MYCBP2: variants seen among roughly 807,000 people sequenced by gnomAD.
MYCBP2 encodes MYC binding protein 2.
Under a neutral mutation model 525.3 loss-of-function variants are expected in MYCBP2, and 120 were observed. That is an observed-to-expected ratio of 0.23 (90% CI 0.20 to 0.27). The LOEUF (loss-of-function observed/expected upper bound fraction) is 0.27, where lower values mean the gene tolerates loss of function less well. Among genes scored for constraint, MYCBP2 ranks in the 10% least tolerant of loss-of-function variants. The pLI is 1.00. For synonymous variants in MYCBP2, 1,894 were observed against 1,955.8 expected (o/e 0.97, Z 0.83); for missense variants, 4,149 against 5,657.1 (o/e 0.73, Z 8.55).
At chr13:77,223,156 G>A (rs1384620517) in intron 20 of MYCBP2, among the ~76,000 whole-genome samples, 2 of 152,186 alleles carry the variant, frequency 1.3e-5, no homozygotes, top group Non-Finnish European at 2.9e-5. Context: ...AACAGCCTCA[G>A]GTGCTGTCCC....
intron 14 of MYCBP2, among the ~76,000 whole-genome samples, chr13:77,254,564 C>T (rs558402367): frequency 1.1e-3 from 162 of 151,932 alleles, no homozygotes; most frequent in African/African-American, 3.7e-3. Flanking sequence ...CATATAATGT[C>T]TAATGATCAA....
At chr13:77,166,905 C>T (rs905394996) in intron 40 of MYCBP2, among the ~76,000 whole-genome samples, 8 of 150,820 alleles carry the variant, frequency 5.3e-5, no homozygotes, top group Admixed American at 1.3e-4. Context: ...AGGGAGCATT[C>T]CAACTTACTT....
At position 77,270,541 on chromosome 13, in the gene MYCBP2, A is replaced by C; in HGVS notation, c.946-3T>G. The stretch of plus-strand genomic sequence containing the variant: ...AGCGAATTTAGAATTGTTGGCACCT[A>C]ATCAAAAGAGAAGAAAAATAATGAA... On this transcript the variant is annotated splice_region_variant and splice_polypyrimidine_tract_variant and intron_variant, in intron 5 of 82. Transcript: ENST00000544440. The C allele has an allele frequency of 6.3e-7, 1 of 1,583,114 alleles. No individual in the cohort carries two copies.
intron 21 of MYCBP2, among the ~76,000 whole-genome samples, chr13:77,216,687 T>C (rs1215825239): frequency 6.6e-6 from 1 of 152,124 alleles, no homozygotes; most frequent in Admixed American, 6.5e-5. Context: ...AAAACAGTAC[T>C]ATATACTCTT....
chr13:77,324,142 C>G (rs1313522905), intron 1 of MYCBP2, among the ~76,000 whole-genome samples: 1 of 152,210 alleles, frequency 6.6e-6, no homozygotes, highest in Non-Finnish European at 1.5e-5. Context: ...TGACCACTTC[C>G]TCAAAAGTTA....
At chr13:77,249,203 C>T (rs1265151845) in intron 15 of MYCBP2, among the ~76,000 whole-genome samples, 3 of 152,096 alleles carry the variant, frequency 2.0e-5, no homozygotes, top group Non-Finnish European at 4.4e-5. Context: ...GTAATAGTTG[C>T]ACAACATTAT....
At chr13:77,177,647 A>G (rs1376492392) in intron 35 of MYCBP2, 101 bp downstream of exon 35, 2 of 931,516 alleles carry the variant, frequency 2.1e-6, no homozygotes, top group African/African-American at 3.2e-5. Flanking sequence ...AGTGTCATTC[A>G]TCAGTGATTG....
intron 42 of MYCBP2, among the ~76,000 whole-genome samples, 166 bp from the exon 43 acceptor site, chr13:77,164,707 C>T (rs2058334904): frequency 6.6e-6 from 1 of 152,186 alleles, no homozygotes; most frequent in South Asian, 2.1e-4. Context: ...AATGTTGTGG[C>T]TCAGGCTGGT....
chr13:77,087,749 T>A, intron 61 of MYCBP2, 116 bp from the exon 62 acceptor site: 1 of 912,712 alleles, frequency 1.1e-6, no homozygotes, highest in Non-Finnish European at 1.6e-6. Flanking sequence ...GAAAATCTTT[T>A]TTAATTAAAA....
chr13:77,183,645 G>A (rs1054694124), intron 32 of MYCBP2, among the ~76,000 whole-genome samples: 4 of 123,080 alleles, frequency 3.2e-5, no homozygotes, highest in East Asian at 2.8e-4. Context: ...TTCACCTCCC[G>A]CCTTCAAGCA....
intron 22 of MYCBP2, 70 bp downstream of exon 22, chr13:77,211,886 G>T (rs997682733): frequency 8.1e-7 from 1 of 1,239,480 alleles, no homozygotes; most frequent in Non-Finnish European, 1.2e-6. Context: ...TCATTAAAGG[G>T]AAAGATAAAC....
chr13:77,168,703 T>G, intron 39 of MYCBP2, 57 bp from the exon 40 acceptor site: 1 of 1,480,176 alleles, frequency 6.8e-7, no homozygotes, highest in Non-Finnish European at 9.4e-7. Flanking sequence ...GGTTCTAAAA[T>G]TATGCATTAC....
At chr13:77,225,686 T>C in intron 18 of MYCBP2, 132 bp from the exon 19 acceptor site, 1 of 1,103,272 alleles carries the variant, frequency 9.1e-7, no homozygotes, top group Non-Finnish European at 1.3e-6. Flanking sequence ...CTGTAGCTGT[T>C]AGAAGTGATA....
At chr13:77,218,615 G>T (rs1364933555) in intron 20 of MYCBP2, among the ~76,000 whole-genome samples, 1 of 152,154 alleles carries the variant, frequency 6.6e-6, no homozygotes, top group African/African-American at 2.4e-5. Context: ...CTAACAAACG[G>T]TGTCTACCCC....
rs2058006392 is a variant in MYCBP2, at chr13:77,162,109, T to C, written c.6548-154A>G. Among the ~76,000 whole-genome samples, 3 of 152,182 alleles carry C rather than the reference T, an allele frequency of 2.0e-5. No individual in the cohort carries two copies. The South Asian group carries it at 6.2e-4, about 32-fold the overall frequency. On this transcript the variant is annotated intron_variant, in intron 43 of 82. Transcript: ENST00000544440. ...GATTCTGGAAAAAATCCTAGTGGCA[T>C]ACAGTTTAATATATAAGATACTTCC... is the stretch of plus-strand genomic sequence containing the variant.
chr13:77,110,660 G>A lies in MYCBP2; in HGVS notation c.8140+10713C>T, dbSNP rs148164631. Among the ~76,000 whole-genome samples, 1,025 of 152,034 alleles carry A rather than the reference G, an allele frequency of 6.7e-3. 10 individuals carry two copies. The highest frequency in any genetic ancestry group is 0.023 in the African/African-American group (968 of 41,370). Reference sequence around the variant, plus strand: ...GGTTTTGTGGCTCAGAGGACATCACGGTCCTACCAATATGTGATGTCACCG... The same window carrying A: ...GGTTTTGTGGCTCAGAGGACATCACAGTCCTACCAATATGTGATGTCACCG... On this transcript the variant is annotated intron_variant, in intron 55 of 82. Transcript: ENST00000544440.
intron 16 of MYCBP2, 117 bp from the exon 17 acceptor site, chr13:77,243,277 C>T (rs2069203211): frequency 2.5e-6 from 2 of 791,520 alleles, no homozygotes; most frequent in African/African-American, 3.5e-5. Context: ...CTAAAACACA[C>T]AATATTTTTA....
At chr13:77,278,085 T>G (rs141963129) in intron 4 of MYCBP2, among the ~76,000 whole-genome samples, 2 of 152,180 alleles carry the variant, frequency 1.3e-5, no homozygotes, top group Non-Finnish European at 2.9e-5. Flanking sequence ...AGTCAGAAGT[T>G]TAATCCATAA....
intron 73 of MYCBP2, 94 bp from the exon 74 acceptor site, chr13:77,062,791 G>A: frequency 1.0e-6 from 1 of 973,180 alleles, no homozygotes; most frequent in South Asian, 1.4e-5. Flanking sequence ...ATAAATGCTG[G>A]CTGATTTTGA....
Sources: gnomAD v4.1 joint callset for allele counts (sites outside exome capture counted in the v4.1 genomes callset) on GRCh38, gnomAD v4.1.1 for gene constraint, MANE v1.5 for transcripts, NCBI Gene and HGNC (gene_info 2026-07-23, HGNC 2026-07-21) for gene names.